TNNI3K: variants seen among roughly 807,000 people sequenced by gnomAD.
TNNI3K encodes the protein serine/threonine-protein kinase TNNI3K.
TNNI3K carries 140 observed loss-of-function variants against 114.5 expected under a neutral mutation model. The observed-to-expected ratio is 1.22, with a 90% confidence interval of 1.07 to 1.41. The LOEUF is 1.41. Among genes scored for constraint, TNNI3K ranks in the 40% most tolerant of loss-of-function variants. TNNI3K has a pLI of 0.00. For synonymous variants in TNNI3K, 347 were observed against 347.5 expected (o/e 1.00, Z 0.02); for missense variants, 1,125 against 1,007.6 (o/e 1.12, Z -1.58).
At chr1:74,478,079 A>C (rs1211861551) in intron 21 of TNNI3K, among the ~76,000 whole-genome samples, 1 of 152,200 alleles carries the variant, frequency 6.6e-6, no homozygotes, top group Non-Finnish European at 1.5e-5. Context: ...CTGAAGAAGA[A>C]AATGGTCTCA....
At chr1:74,298,279 A>G (rs931418486) in intron 5 of TNNI3K, among the ~76,000 whole-genome samples, 4 of 152,334 alleles carry the variant, frequency 2.6e-5, no homozygotes, top group Admixed American at 2.0e-4. Context: ...GAGTTTGAGT[A>G]TCTTCTTCTC....
At chr1:74,329,210 T>C (rs1383599139) in intron 5 of TNNI3K, among the ~76,000 whole-genome samples, 1 of 152,090 alleles carries the variant, frequency 6.6e-6, no homozygotes, top group Non-Finnish European at 1.5e-5. Context: ...GTTCAGTTTC[T>C]TCATCTTTAA....
At chr1:74,297,510 A>AGTGTGT (rs1163611745) in intron 5 of TNNI3K, among the ~76,000 whole-genome samples, 15 of 101,244 alleles carry the variant, frequency 1.5e-4, no homozygotes, top group East Asian at 2.8e-4. Flanking sequence ...CATCTTGTCC[A>AGTGTGT]GTGTGTGTGT....
At chr1:74,372,065 T>C (rs1488178321) in intron 17 of TNNI3K, 1 of 142,754 alleles carries the variant, frequency 7.0e-6, no homozygotes, top group Non-Finnish European at 1.5e-5. Flanking sequence ...ATACTCCAAT[T>C]AGCAGTGGTT....
At chr1:74,238,209 G>C (rs1653977859) in intron 2 of TNNI3K, among the ~76,000 whole-genome samples, 1 of 152,012 alleles carries the variant, frequency 6.6e-6, no homozygotes. Context: ...AAAGCTATGT[G>C]AATCAATGTA....
intron 17 of TNNI3K, among the ~76,000 whole-genome samples, chr1:74,391,054 A>G (rs1298151215): frequency 6.6e-6 from 1 of 151,934 alleles, no homozygotes. Context: ...AAAAGCCACA[A>G]CATGTATGTC....
At chr1:74,480,981 A>C in intron 21 of TNNI3K, 1 of 700,010 alleles carries the variant, frequency 1.4e-6, no homozygotes. Flanking sequence ...GTGGGGAAAA[A>C]AGCACAGACT....
At chr1:74,465,688 C>G (rs1025587075) in intron 21 of TNNI3K, among the ~76,000 whole-genome samples, 5 of 152,222 alleles carry the variant, frequency 3.3e-5, no homozygotes, top group South Asian at 2.1e-4. Context: ...CGGCCCTGGC[C>G]AGGTATCCAC....
intron 9 of TNNI3K, among the ~76,000 whole-genome samples, chr1:74,348,830 T>A (rs1464318234): frequency 9.3e-4 from 141 of 151,836 alleles, no homozygotes; most frequent in African/African-American, 3.2e-3. Context: ...TGCTTGTGAT[T>A]TTTGCACATT....
chr1:74,472,543 A>AT lies in TNNI3K; in HGVS notation c.2121+8999dup, dbSNP rs577435911. ...AAATCCTTTGTAAATGGCTATAGTAATTTTTTCCTGAATTCATTTCCCATT... is the reference window on the plus strand; with the variant it reads ...AAATCCTTTGTAAATGGCTATAGTAATTTTTTTCCTGAATTCATTTCCCATT... On this transcript the variant is annotated intron_variant, in intron 21 of 24. Coordinates refer to ENST00000326637, the MANE Select transcript of TNNI3K (RefSeq NM_015978.3). Among the ~76,000 whole-genome samples the AT allele has an allele frequency of 9.4e-4, 143 of 152,164 alleles. 1 individual carries two copies. Among genetic ancestry groups the AT allele is most frequent in the African/African-American group, 3.3e-3 (135 of 41,530 alleles).
intron 17 of TNNI3K, among the ~76,000 whole-genome samples, chr1:74,382,436 A>G (rs182212211): frequency 4.5e-4 from 69 of 152,344 alleles, no homozygotes; most frequent in Non-Finnish European, 7.2e-4. Flanking sequence ...CAGGGTTACC[A>G]GAAAGTCTTG....
At chr1:74,493,737 A>C (rs1012054494) in intron 23 of TNNI3K, among the ~76,000 whole-genome samples, 5 of 152,214 alleles carry the variant, frequency 3.3e-5, no homozygotes, top group African/African-American at 7.2e-5. Flanking sequence ...AGAAAAATGT[A>C]CTACCTGGGG....
At chr1:74,329,055 G>A (rs1207354478) in intron 5 of TNNI3K, among the ~76,000 whole-genome samples, 1 of 152,018 alleles carries the variant, frequency 6.6e-6, no homozygotes. Context: ...CTGACAGATG[G>A]CTTCTTCCTA....
At chr1:74,250,054 A>T (rs530521950) in intron 3 of TNNI3K, among the ~76,000 whole-genome samples, 1 of 152,342 alleles carries the variant, frequency 6.6e-6, no homozygotes, top group East Asian at 1.9e-4. Context: ...GGCCTGTAAT[A>T]GCCACTCAGT....
intron 17 of TNNI3K, among the ~76,000 whole-genome samples, chr1:74,420,162 T>C (rs915291809): frequency 6.6e-6 from 1 of 152,048 alleles, no homozygotes; most frequent in Non-Finnish European, 1.5e-5. Context: ...ACAAGAGAGG[T>C]AGAAATCTGC....
intron 5 of TNNI3K, among the ~76,000 whole-genome samples, chr1:74,298,134 T>G (rs1658105385): frequency 6.6e-6 from 1 of 152,192 alleles, no homozygotes; most frequent in Non-Finnish European, 1.5e-5. Context: ...CCACTATGGT[T>G]GATCTCATTC....
chr1:74,372,818 C>T (rs1223884743), intron 17 of TNNI3K: 1 of 151,630 alleles, frequency 6.6e-6, no homozygotes, highest in Admixed American at 6.6e-5. Flanking sequence ...TCAGGCAGGA[C>T]CAAAAATATA....
intron 7 of TNNI3K, among the ~76,000 whole-genome samples, chr1:74,337,555 T>C (rs1283181908): frequency 6.6e-6 from 1 of 152,172 alleles, no homozygotes; most frequent in African/African-American, 2.4e-5. Flanking sequence ...TAATCTTTTA[T>C]AAATTGAGAC....
intron 23 of TNNI3K, among the ~76,000 whole-genome samples, chr1:74,525,292 A>G (rs565693170): frequency 6.6e-6 from 1 of 152,310 alleles, no homozygotes; most frequent in South Asian, 2.1e-4. Context: ...CGTGTATACC[A>G]TCTCATATAA....
Sources: gnomAD v4.1 joint callset for allele counts (sites outside exome capture counted in the v4.1 genomes callset) on GRCh38, gnomAD v4.1.1 for gene constraint, MANE v1.5 for transcripts, NCBI Gene and HGNC (gene_info 2026-07-23, HGNC 2026-07-21) for gene names.